Variants in C2orf49 observed in about 807,000 individuals in gnomAD.
C2orf49 encodes tRNA splicing ligase complex subunit 2.
A neutral mutation model predicts 20.6 loss-of-function variants in C2orf49; 11 were observed. The ratio of observed to expected loss-of-function variants is 0.53; its 90% CI spans 0.34 to 0.88. C2orf49 has a LOEUF of 0.88. Among genes scored for constraint, C2orf49 ranks in the 40% least tolerant of loss-of-function variants. The probability of loss-of-function intolerance (pLI) is 0.02; values close to 1 mark genes in which losing one functional copy is unlikely to be tolerated. For synonymous variants in C2orf49, 134 were observed against 108.5 expected (o/e 1.24, Z -1.46); for missense variants, 289 against 274.2 (o/e 1.05, Z -0.38).
At chr2:105,356,555 A>G in the C2orf49 span, among the ~76,000 whole-genome samples, 1 of 152,166 alleles carries the variant, frequency 6.6e-6, no homozygotes, top group Non-Finnish European at 1.5e-5. Context: ...AGCCTGGGAA[A>G]CAGAGCGAGA....
chr2:105,367,775 T>C, the C2orf49 span: 16 of 1,593,928 alleles, frequency 1.0e-5, no homozygotes, highest in Non-Finnish European at 1.3e-5. Context: ...AGCAGAGTTA[T>C]GGTTAGAGGG....
chr2:105,363,043 C>T, the C2orf49 span: 1 of 489,248 alleles, frequency 2.0e-6, no homozygotes, highest in Non-Finnish European at 3.7e-6. Flanking sequence ...AAAGCAGAAA[C>T]TAAACTGGAG....
the C2orf49 span, chr2:105,373,409 G>A: frequency 1.3e-6 from 1 of 762,594 alleles, no homozygotes; most frequent in Non-Finnish European, 2.2e-6. Context: ...TGCTTCGTAA[G>A]TACTCTAAAT....
chr2:105,357,114 G>T, the C2orf49 span, among the ~76,000 whole-genome samples: 1 of 152,028 alleles, frequency 6.6e-6, no homozygotes, highest in Non-Finnish European at 1.5e-5. Context: ...CACCTGACTA[G>T]TCATGAACTC....
chr2:105,344,977 G>A (rs1488145886), intron 3 of C2orf49, among the ~76,000 whole-genome samples: 1 of 152,100 alleles, frequency 6.6e-6, no homozygotes, highest in Non-Finnish European at 1.5e-5. Context: ...TTTCAACTCT[G>A]ATTGTATGTT....
chr2:105,364,693 C>T, the C2orf49 span, among the ~76,000 whole-genome samples: 1 of 152,182 alleles, frequency 6.6e-6, no homozygotes, highest in East Asian at 1.9e-4. Context: ...CACAATCACA[C>T]TTTTTTGCTT....
downstream of C2orf49, among the ~76,000 whole-genome samples, chr2:105,349,480 TACTAAAGTGCATTTTACTA>T (rs768795860): frequency 2.6e-5 from 4 of 152,254 alleles, no homozygotes; most frequent in Admixed American, 6.5e-5. Context: ...AGATTGTTTT[TACTAAAGTGCATTTTACTA>T]ACTAAAGTGC....
At chr2:105,355,379 G>T in the C2orf49 span, among the ~76,000 whole-genome samples, 1 of 152,326 alleles carries the variant, frequency 6.6e-6, no homozygotes, top group East Asian at 1.9e-4. Context: ...GTCTGGTAAA[G>T]ACAATGACAA....
At chr2:105,343,695 G>T (rs774877795) in intron 3 of C2orf49, among the ~76,000 whole-genome samples, 1 of 152,010 alleles carries the variant, frequency 6.6e-6, no homozygotes, top group Non-Finnish European at 1.5e-5. Flanking sequence ...CACTTGCCTC[G>T]CCTACTGCTC....
chr2:105,361,497 G>A, the C2orf49 span: 1 of 1,472,800 alleles, frequency 6.8e-7, no homozygotes, highest in Non-Finnish European at 9.4e-7. Context: ...TGGGACTGAA[G>A]AAGGAATTCT....
At chr2:105,345,271 G>T (rs747459344) in intron 3 of C2orf49, 44 bp from the exon 4 acceptor site, 2 of 1,540,646 alleles carry the variant, frequency 1.3e-6, no homozygotes, top group African/African-American at 2.8e-5. Flanking sequence ...GTTGTTTTCT[G>T]ATATTTCTGC....
the C2orf49 span, among the ~76,000 whole-genome samples, chr2:105,384,870 G>A: frequency 6.6e-6 from 1 of 152,186 alleles, no homozygotes; most frequent in African/African-American, 2.4e-5. Context: ...CTGACCCAAG[G>A]CCACACAGCA....
Position 105,345,321 on chromosome 2 carries a change from C to G in C2orf49, c.649C>G (p.Leu217Val), listed in dbSNP as rs201873474. ...PKEEAEAMNN[L>V]KPPQAKRKIQ... ...TTCTGTTCATGTCTTTCAGAATAACCTGAAGCCCCCACAAGCAAAAAGGAA... is the reference window on the plus strand; with the variant it reads ...TTCTGTTCATGTCTTTCAGAATAACGTGAAGCCCCCACAAGCAAAAAGGAA... The change falls in exon 4 of 4, where the codon CTG becomes GTG. Residue 217 changes from leucine to valine, a missense_variant. Coordinates refer to ENST00000258457, the MANE Select transcript of C2orf49 (RefSeq NM_024093.3). 3.7e-5 allele frequency: 60 copies of G among 1,611,966 alleles called. No homozygotes were observed. Among genetic ancestry groups the G allele is most frequent in the Non-Finnish European group, 5.0e-5 (59 of 1,179,492 alleles).
At chr2:105,353,201 G>C (rs1198020501), downstream of C2orf49, among the ~76,000 whole-genome samples, 2 of 152,084 alleles carry the variant, frequency 1.3e-5, no homozygotes, top group Non-Finnish European at 2.9e-5. Flanking sequence ...CCATTCATGA[G>C]GACAGAGTCC....
chr2:105,345,410 G>T lies in C2orf49; in HGVS notation c.*39G>T, dbSNP rs1355354930. The T allele has an allele frequency of 6.9e-7, 1 of 1,457,040 alleles. No individual in the cohort carries two copies. The highest frequency in any genetic ancestry group is 9.6e-7 in the Non-Finnish European group (1 of 1,045,136). The allele number at this position is 1,457,040 out of a possible 1,614,324, so 90.3% of individuals were successfully genotyped here. Reference sequence around the variant, plus strand: ...AAAATGTAAATATACTGTAACTGTAGTTTTTCAAATATGTTCATATATATT... The same window carrying T: ...AAAATGTAAATATACTGTAACTGTATTTTTTCAAATATGTTCATATATATT... On this transcript the variant is annotated 3_prime_UTR_variant, in exon 4 of 4. Coordinates refer to ENST00000258457, the MANE Select transcript of C2orf49 (RefSeq NM_024093.3).
rs190456312 is a variant in C2orf49 at position 105,338,064 on chromosome 2, T to G, written c.99+378T>G. On this transcript the variant is annotated intron_variant, in intron 1 of 3. Transcript: ENST00000258457. Reference sequence around the variant, plus strand: ...GGACTGGAAAGCATCTGAGAAACCGTCCATTCCACACCTTCTAATCGTTTA... The same window carrying G: ...GGACTGGAAAGCATCTGAGAAACCGGCCATTCCACACCTTCTAATCGTTTA... Among the ~76,000 whole-genome samples, 45 of 152,230 alleles carry G rather than the reference T, an allele frequency of 3.0e-4. 1 individual carries two copies. In the East Asian group the frequency reaches 3.9e-3, roughly 13 times the overall value.
At chr2:105,352,828 C>T (rs1192575191), downstream of C2orf49, among the ~76,000 whole-genome samples, 1 of 152,210 alleles carries the variant, frequency 6.6e-6, no homozygotes, top group South Asian at 2.1e-4. Context: ...CAATTAAAGT[C>T]GCAGTATTCT....
the C2orf49 span, among the ~76,000 whole-genome samples, chr2:105,363,779 A>C: frequency 2.0e-5 from 3 of 152,258 alleles, no homozygotes; most frequent in East Asian, 5.8e-4. Context: ...CTGAGCAGGG[A>C]AGCAGCACAG....
downstream of C2orf49, among the ~76,000 whole-genome samples, chr2:105,351,313 G>GCC (rs376749614): frequency 1.5e-3 from 53 of 36,074 alleles, 1 homozygote; most frequent in Non-Finnish European, 2.5e-3. Context: ...TGCCCACCGC[G>GCC]CCCCCCCCCC....
Sources: allele counts gnomAD v4.1 joint callset (sites outside exome capture counted in the v4.1 genomes callset), GRCh38; gene constraint gnomAD v4.1.1; transcripts MANE v1.5; gene names NCBI Gene and HGNC (gene_info 2026-07-23, HGNC 2026-07-21).